GALNT7: variants seen among roughly 807,000 people sequenced by gnomAD.
The protein encoded by GALNT7 is N-acetylgalactosaminyltransferase 7.
In GALNT7, 60 loss-of-function variants were observed where a neutral mutation model predicts 82.1. The ratio of observed to expected loss-of-function variants is 0.73; its 90% CI spans 0.59 to 0.91. GALNT7 has a LOEUF of 0.91. Among genes scored for constraint, GALNT7 ranks in the 40% least tolerant of loss-of-function variants. GALNT7 has a pLI of 0.00. For missense variants in GALNT7, 660 were observed against 804.2 expected (o/e 0.82, Z 2.17); for synonymous variants, 243 against 275.1 (o/e 0.88, Z 1.15).
At chr4:173,247,450 CA>C (rs1005559341) in intron 1 of GALNT7, among the ~76,000 whole-genome samples, 2 of 151,360 alleles carry the variant, frequency 1.3e-5, no homozygotes, top group Non-Finnish European at 2.9e-5. Context: ...TAAAAAATAC[CA>C]AATCGGGACT....
At chr4:173,277,378 C>G (rs1735950939) in intron 2 of GALNT7, among the ~76,000 whole-genome samples, 1 of 152,208 alleles carries the variant, frequency 6.6e-6, no homozygotes. Flanking sequence ...CTCATCTCTA[C>G]TTCTTTCTCT....
At chr4:173,211,063 G>A (rs1033774650) in intron 1 of GALNT7, among the ~76,000 whole-genome samples, 2 of 151,750 alleles carry the variant, frequency 1.3e-5, no homozygotes, top group Non-Finnish European at 1.5e-5. Context: ...TATCTGATGT[G>A]TATTTTATAC....
chr4:173,262,938 G>T (rs1040309543), intron 2 of GALNT7, among the ~76,000 whole-genome samples: 4 of 152,052 alleles, frequency 2.6e-5, no homozygotes, highest in Non-Finnish European at 5.9e-5. Context: ...TATATTTAGG[G>T]TATATTTATG....
At chr4:173,283,369 C>T (rs533322963) in intron 2 of GALNT7, among the ~76,000 whole-genome samples, 77 of 152,194 alleles carry the variant, frequency 5.1e-4, no homozygotes, top group Non-Finnish European at 9.4e-4. Context: ...CCGATCTAGA[C>T]GTGGTCATGC....
chr4:173,304,057 G>A lies in GALNT7; in HGVS notation c.1328G>A (p.Arg443His), dbSNP rs748636968. ...VPCSRVGHIYRLEGWQGNPPP... is the reference protein window; with the variant it reads ...VPCSRVGHIYHLEGWQGNPPP... ...TGTTCTCGTGTTGGACATATCTACC[G>A]TCTTGAGGGCTGGCAAGGAAATCCT... Residue 443 changes from arginine to histidine, a missense_variant, in exon 8 of 12, where the codon CGT (arginine) becomes CAT (histidine). Transcript: ENST00000265000. The A allele has an allele frequency of 2.0e-5, 32 of 1,612,502 alleles. No homozygotes were observed. The highest frequency in any genetic ancestry group is 6.7e-5 in the Admixed American group (4 of 59,934).
chr4:173,182,933 C>T (rs965320246), intron 1 of GALNT7, among the ~76,000 whole-genome samples: 1 of 150,390 alleles, frequency 6.6e-6, no homozygotes, highest in Non-Finnish European at 1.5e-5. Flanking sequence ...AATACACACA[C>T]ACACACACAC....
intron 1 of GALNT7, among the ~76,000 whole-genome samples, chr4:173,193,906 A>T (rs915975969): frequency 6.6e-6 from 1 of 152,152 alleles, no homozygotes; most frequent in African/African-American, 2.4e-5. Context: ...TGTTTTTTTT[A>T]AAAGGAGGCT....
chr4:173,288,303 A>AAAG (rs1453893169), intron 2 of GALNT7, among the ~76,000 whole-genome samples: 1 of 149,632 alleles, frequency 6.7e-6, no homozygotes, highest in African/African-American at 2.5e-5. Context: ...AAAAAAAAAA[A>AAAG]AAGAAAAGAA....
In GALNT7 at chr4:173,302,288, T is replaced by C; in HGVS notation, c.1266+124T>C. The C allele has an allele frequency of 2.8e-6, 2 of 701,880 alleles. No homozygotes were observed. Among genetic ancestry groups the C allele is most frequent in the Non-Finnish European group, 5.1e-6 (2 of 390,542 alleles). 43.5% of individuals were successfully genotyped at this position (701,880 alleles called of 1,614,324 possible). ...TTATATCATGCATTTCTCCAAATTG[T>C]ATAGAATGATTTAATGAAAATGGAT... On this transcript the variant is annotated intron_variant, in intron 7 of 11. Coordinates refer to ENST00000265000, the MANE Select transcript of GALNT7 (RefSeq NM_017423.3). The surrounding 1 kb of genome is among the most constrained non-coding windows in gnomAD (Gnocchi z 4.2).
At chr4:173,303,892 CTG>C (rs1737050580) in intron 7 of GALNT7, 102 bp from the exon 8 acceptor site, 4 of 947,106 alleles carry the variant, frequency 4.2e-6, no homozygotes, top group South Asian at 1.6e-5. Context: ...TGTGTGGACA[CTG>C]TATATAATTT....
intron 1 of GALNT7, among the ~76,000 whole-genome samples, chr4:173,246,405 T>TAC (rs1467293098): frequency 6.6e-6 from 1 of 152,202 alleles, no homozygotes; most frequent in African/African-American, 2.4e-5. Flanking sequence ...TTGTTATATA[T>TAC]ACACATGTAT....
At chr4:173,256,572 C>T (rs1430972259) in intron 2 of GALNT7, among the ~76,000 whole-genome samples, 3 of 150,182 alleles carry the variant, frequency 2.0e-5, no homozygotes, top group African/African-American at 7.4e-5. Context: ...CCTTCCTTCC[C>T]GTATTTTTTT....
In GALNT7 at chr4:173,302,098, T is replaced by TAGA; in HGVS notation, c.1200_1201insAGA (p.Phe400_Glu401insArg). 1 of 1,604,128 alleles carries TAGA rather than the reference T, an allele frequency of 6.2e-7. No individual in the cohort carries two copies. The highest frequency in any genetic ancestry group is 8.5e-7 in the Non-Finnish European group (1 of 1,170,966). ...TTGCCATTGAACGAGAGTTCTTCTT[T>TAGA]GAATTGGGTCTCTATGATCCAGGTC... On this transcript the variant is annotated inframe_insertion, in exon 7 of 12. Transcript: ENST00000265000. This position sits in a 1 kb window ranked among gnomAD's most constrained non-coding sequence, Gnocchi z 4.2.
chr4:173,212,636 T>C (rs1733317369), intron 1 of GALNT7, among the ~76,000 whole-genome samples: 1 of 152,120 alleles, frequency 6.6e-6, no homozygotes, highest in South Asian at 2.1e-4. Context: ...GGCTTTTTTT[T>C]TTTTTATCAG....
At chr4:173,217,110 T>C (rs1439387944) in intron 1 of GALNT7, among the ~76,000 whole-genome samples, 1 of 152,130 alleles carries the variant, frequency 6.6e-6, no homozygotes, top group Non-Finnish European at 1.5e-5. Flanking sequence ...CATTATCAGA[T>C]CAGTCACTCA....
intron 1 of GALNT7, among the ~76,000 whole-genome samples, chr4:173,207,894 A>C (rs1325345138): frequency 6.6e-6 from 1 of 152,238 alleles, no homozygotes; most frequent in East Asian, 1.9e-4. Context: ...TGTCAACTTC[A>C]TAGGTGAAAA....
intron 1 of GALNT7, among the ~76,000 whole-genome samples, chr4:173,227,363 G>C (rs963329189): frequency 6.6e-6 from 1 of 151,966 alleles, no homozygotes. Flanking sequence ...ACAGTGTCTC[G>C]CTCTGTCGCC....
chr4:173,321,556 CTT>C lies in GALNT7; in HGVS notation c.1837-19_1837-18del, dbSNP rs1561204883. Reference sequence around the variant, plus strand: ...TGATATCAAGGGTCCAAATTTGAAACTTTTTTCTTACTGTGTTTTCCAGAACC... The same window carrying C: ...TGATATCAAGGGTCCAAATTTGAAACTTTTCTTACTGTGTTTTCCAGAACC... On this transcript the variant is annotated intron_variant, in intron 11 of 11. Coordinates refer to ENST00000265000, the MANE Select transcript of GALNT7 (RefSeq NM_017423.3). The C allele has an allele frequency of 1.9e-6, 3 of 1,597,392 alleles. 1 individual carries two copies. In the East Asian group the frequency reaches 6.7e-5, roughly 36 times the overall value.
chr4:173,305,891 T>A (rs891306964), intron 8 of GALNT7, among the ~76,000 whole-genome samples: 3 of 152,200 alleles, frequency 2.0e-5, no homozygotes, highest in Non-Finnish European at 4.4e-5. Context: ...TTTTTGTGGA[T>A]CCATATGAAT....
Sources: allele counts gnomAD v4.1 joint callset (sites outside exome capture counted in the v4.1 genomes callset), GRCh38; gene constraint gnomAD v4.1.1; non-coding constraint Gnocchi (gnomAD v3.1); transcripts MANE v1.5; gene names NCBI Gene and HGNC (gene_info 2026-07-23, HGNC 2026-07-21).